PCSK9: variants seen among roughly 807,000 people sequenced by gnomAD.
PCSK9 encodes convertase subtilisin/kexin type 9 preproprotein.
In PCSK9, 57 loss-of-function variants were observed where a neutral mutation model predicts 62.1. The observed-to-expected ratio is 0.92, with a 90% CI of 0.74 to 1.14. The LOEUF (loss-of-function observed/expected upper bound fraction) is 1.14, where lower values mean the gene tolerates loss of function less well. Ranked by LOEUF, PCSK9 falls within the 50% of genes most tolerant of loss-of-function variation. The pLI is 0.00. For synonymous variants in PCSK9, 387 were observed against 409.4 expected (o/e 0.95, Z 0.66); for missense variants, 870 against 959.8 (o/e 0.91, Z 1.24).
At chr1:55,045,213 T>C (rs777375849) in intron 2 of PCSK9, among the ~76,000 whole-genome samples, 11 of 150,470 alleles carry the variant, frequency 7.3e-5, no homozygotes, top group Admixed American at 3.3e-4. Flanking sequence ...CAGAGGAGAG[T>C]AGGCCAAGCA....
chr1:55,061,337 C>T (rs775446800), intron 10 of PCSK9, 38 bp from the exon 11 acceptor site: 6 of 1,579,626 alleles, frequency 3.8e-6, no homozygotes, highest in Admixed American at 1.8e-5. Flanking sequence ...CGGAGCATCC[C>T]AGCATTTCAC....
intron 9 of PCSK9, 121 bp from the exon 10 acceptor site, chr1:55,059,365 G>T (rs1644741539): frequency 1.6e-6 from 2 of 1,272,856 alleles, no homozygotes; most frequent in South Asian, 2.6e-5. Flanking sequence ...CAGAAGGCTG[G>T]GTCTGGCTGG....
rs1183089853 is a variant in PCSK9, at chr1:55,040,423, C to T, written c.207+379C>T. Among the ~76,000 whole-genome samples, 1 of 152,170 alleles carries T rather than the reference C, an allele frequency of 6.6e-6. No homozygotes were observed. Among genetic ancestry groups the T allele is most frequent in the Non-Finnish European group, 1.5e-5 (1 of 68,026 alleles). Reference sequence around the variant, plus strand: ...GCACAGGTGGGTGAAGGAGTGAATGCCTGGAACGTACTGGGAACTGCACCA... The same window carrying T: ...GCACAGGTGGGTGAAGGAGTGAATGTCTGGAACGTACTGGGAACTGCACCA... On this transcript the variant is annotated intron_variant, in intron 1 of 11. Coordinates refer to ENST00000302118, the MANE Select transcript of PCSK9 (RefSeq NM_174936.4). This position sits in a 1 kb window ranked among gnomAD's most constrained non-coding sequence, Gnocchi z 4.1.
At chr1:55,047,682 C>A (rs1016776163) in intron 3 of PCSK9, among the ~76,000 whole-genome samples, 1 of 152,216 alleles carries the variant, frequency 6.6e-6, no homozygotes, top group African/African-American at 2.4e-5. Context: ...GCTGCCATTG[C>A]AACAGATCAG....
intron 2 of PCSK9, among the ~76,000 whole-genome samples, chr1:55,045,755 C>T (rs1644629850): frequency 6.6e-6 from 1 of 150,386 alleles, no homozygotes; most frequent in South Asian, 2.1e-4. Flanking sequence ...GGTGCCATAT[C>T]TGCACCTCTG....
At chr1:55,057,261 G>T (rs1644722125) in intron 6 of PCSK9, 70 bp from the exon 7 acceptor site, 2 of 1,536,538 alleles carry the variant, frequency 1.3e-6, no homozygotes, top group African/African-American at 2.7e-5. Context: ...CAGCTGGCAA[G>T]GCCTGAGTCT....
intron 11 of PCSK9, among the ~76,000 whole-genome samples, chr1:55,062,533 G>A (rs766576526): frequency 2.0e-5 from 3 of 152,214 alleles, no homozygotes; most frequent in South Asian, 2.1e-4. Flanking sequence ...GAAAAGATGC[G>A]ATGGAGAAAA....
At chr1:55,052,628 G>C in intron 4 of PCSK9, 22 bp from the exon 5 acceptor site, 5 of 1,612,218 alleles carry the variant, frequency 3.1e-6, no homozygotes, top group South Asian at 1.1e-5. Flanking sequence ...TTTCTCATGT[G>C]GTCCTTGTGT....
In PCSK9 at chr1:55,061,428, C is replaced by T. The variant is rs751217094; in HGVS notation, c.1735C>T (p.Leu579=). 21 of 1,610,600 alleles carry T rather than the reference C, an allele frequency of 1.3e-5. No homozygotes were observed. The highest frequency in any genetic ancestry group is 1.7e-5 in the Non-Finnish European group (20 of 1,179,188). Residue 579 remains leucine, a synonymous_variant, in exon 11 of 12, where the codon CTG becomes TTG. Transcript: ENST00000302118. Reference sequence around the variant, plus strand: ...CCTTGGCACCCACAAGCCGCCTGTGCTGAGGCCACGAGGTCAGCCCAACCA... The same window carrying T: ...CCTTGGCACCCACAAGCCGCCTGTGTTGAGGCCACGAGGTCAGCCCAACCA... ...EDLGTHKPPV[L]RPRGQPNQCV... is the part of the protein sequence containing the mutation.
At chr1:55,043,495 G>C (rs149869492) in intron 1 of PCSK9, among the ~76,000 whole-genome samples, 1 of 152,194 alleles carries the variant, frequency 6.6e-6, no homozygotes, top group Non-Finnish European at 1.5e-5. Flanking sequence ...TATTCTGACT[G>C]GGGCATGGGG....
intron 11 of PCSK9, among the ~76,000 whole-genome samples, chr1:55,062,928 C>T (rs1013472120): frequency 1.3e-5 from 2 of 150,364 alleles, no homozygotes; most frequent in African/African-American, 2.5e-5. Flanking sequence ...AGGGTCCAGG[C>T]GTTGGGGCGG....
Position 55,061,452 on chromosome 1 carries a change from C to A in PCSK9, c.1759C>A (p.Gln587Lys), listed in dbSNP as rs780068262. Residue 587 changes from glutamine (Q) to lysine (K), a missense_variant, in exon 11 of 12, where the codon CAG (glutamine) becomes AAG (lysine). Gln to Lys is a moderately conservative substitution (Grantham distance 53, BLOSUM62 1). Coordinates refer to ENST00000302118, the MANE Select transcript of PCSK9 (RefSeq NM_174936.4). ...GCTGAGGCCACGAGGTCAGCCCAAC[C>A]AGTGCGTGGGCCACAGGGAGGCCAG... is the stretch of plus-strand genomic sequence containing the variant. ...PVLRPRGQPN[Q>K]CVGHREASIH... The A allele has an allele frequency of 5.6e-6, 9 of 1,608,858 alleles. No individual in the cohort carries two copies. The highest frequency in any genetic ancestry group is 7.6e-6 in the Non-Finnish European group (9 of 1,178,436).
chr1:55,043,747 CTT>C lies in PCSK9; in HGVS notation c.208-93_208-92del, dbSNP rs1263110535. 4.2e-6 allele frequency: 6 copies of C among 1,416,760 alleles called. No homozygotes were observed. In the Admixed American group the frequency reaches 5.7e-5, roughly 13 times the overall value. 87.8% of individuals were successfully genotyped at this position (1,416,760 alleles called of 1,614,324 possible). A position where few individuals can be genotyped will look rare whatever the true frequency, so the allele number is the denominator to read the frequency against. Reference sequence around the variant, plus strand: ...TCATCTACTATACTCTGTTGTGTCTCTTTTGTTGTAATTTGTAAGTAGGGGTG... The same window carrying C: ...TCATCTACTATACTCTGTTGTGTCTCTTGTTGTAATTTGTAAGTAGGGGTG... On this transcript the variant is annotated intron_variant, in intron 1 of 11. Transcript: ENST00000302118.
chr1:55,049,716 A>G (rs1197186762), intron 3 of PCSK9, among the ~76,000 whole-genome samples: 3 of 152,192 alleles, frequency 2.0e-5, no homozygotes, highest in Non-Finnish European at 2.9e-5. Context: ...TCTGCTGGCC[A>G]TGCTTGCAGC....
At chr1:55,060,509 G>A (rs984366131) in intron 10 of PCSK9, among the ~76,000 whole-genome samples, 6 of 152,206 alleles carry the variant, frequency 3.9e-5, no homozygotes, top group African/African-American at 1.2e-4. Flanking sequence ...GGAAAGATGA[G>A]CATAGTCAGG....
rs140865730 is a variant in PCSK9, at chr1:55,052,658, G to A, written c.666G>A (p.Lys222=). 2.5e-6 allele frequency: 4 copies of A among 1,613,000 alleles called. No individual in the cohort carries two copies. Among genetic ancestry groups the A allele is most frequent in the Non-Finnish European group, 3.4e-6 (4 of 1,179,802 alleles). Residue 222 remains lysine, a synonymous_variant, in exon 5 of 12, where the codon AAG becomes AAA. Transcript: ENST00000302118. ...DGTRFHRQAS[K]CDSHGTHLAG... Reference sequence around the variant, plus strand: ...TTGTGTTCGTCGAGCAGGCCAGCAAGTGTGACAGTCATGGCACCCACCTGG... The same window carrying A: ...TTGTGTTCGTCGAGCAGGCCAGCAAATGTGACAGTCATGGCACCCACCTGG...
At chr1:55,045,961 G>T (rs952231052) in intron 2 of PCSK9, among the ~76,000 whole-genome samples, 2 of 151,864 alleles carry the variant, frequency 1.3e-5, no homozygotes, top group Admixed American at 1.3e-4. Flanking sequence ...CCCCCACCTC[G>T]GCCTCCCAAA....
intron 7 of PCSK9, 65 bp from the exon 8 acceptor site, chr1:55,057,971 G>A: frequency 6.3e-7 from 1 of 1,594,126 alleles, no homozygotes; most frequent in Non-Finnish European, 8.6e-7. Context: ...TGCACTGGCA[G>A]GAGTCCCCTG....
At chr1:55,051,865 T>A (rs1350986560) in intron 3 of PCSK9, 2 of 306,596 alleles carry the variant, frequency 6.5e-6, no homozygotes, top group African/African-American at 4.4e-5. Context: ...ATCACTGTTA[T>A]TCTCCTTTGA....
Sources: gnomAD v4.1 joint callset for allele counts (sites outside exome capture counted in the v4.1 genomes callset) on GRCh38, gnomAD v4.1.1 for gene constraint, Gnocchi (gnomAD v3.1) non-coding constraint, MANE v1.5 for transcripts, NCBI Gene and HGNC (gene_info 2026-07-23, HGNC 2026-07-21) for gene names.